Variants in SLC39A1 observed in about 807,000 individuals in gnomAD.
The protein encoded by SLC39A1 is solute carrier family 39 member 1.
A neutral mutation model predicts 21.4 loss-of-function variants in SLC39A1; 17 were observed. That is an observed-to-expected ratio of 0.79 (90% CI 0.54 to 1.19). The LOEUF is 1.19. SLC39A1 is among the 50% of genes most tolerant of loss of function. The pLI is 0.00. For missense variants in SLC39A1, 343 were observed against 399.8 expected, an observed-to-expected ratio of 0.86 and a Z score of 1.21; for synonymous variants, 183 against 185.9, an observed-to-expected ratio of 0.98 and a Z score of 0.13.
Position 153,962,677 on chromosome 1 carries a change from G to T in SLC39A1, c.39C>A (p.Arg13=), listed in dbSNP as rs1203079032. The change falls in exon 2 of 4, where the codon CGC becomes CGA. Residue 13 remains arginine (R), a synonymous_variant. Transcript: ENST00000356205. ...PWGEPELLVW[R]PEAVASEPPV... The stretch of plus-strand genomic sequence containing the variant: ...GAGGCTCTGAAGCTACCGCCTCGGG[G>T]CGCCACACCAGGAGCTCTGGCTCTC... The T allele has an allele frequency of 1.2e-6, 2 of 1,609,456 alleles. No individual in the cohort carries two copies. Among genetic ancestry groups the T allele is most frequent in the Admixed American group, 3.4e-5 (2 of 59,370 alleles).
rs766827640 is a variant in SLC39A1, at chr1:153,962,261, G to T, written c.277C>A (p.Leu93Met). Reference sequence around the variant, plus strand: ...GCCAGGGCCTCATCTATGGCAGCCAGGTAGTCAGGCAGCAGGTCCAGGAGA... The same window carrying T: ...GCCAGGGCCTCATCTATGGCAGCCATGTAGTCAGGCAGCAGGTCCAGGAGA... ...TCLLDLLPDYLAAIDEALAAL... is the reference protein window; with the variant it reads ...TCLLDLLPDYMAAIDEALAAL... The change falls in exon 3 of 4, where the codon CTG becomes ATG. Residue 93 changes from leucine to methionine, a missense_variant. Leu to Met is a conservative substitution (Grantham distance 15). Transcript: ENST00000356205. The T allele has an allele frequency of 1.2e-6, 2 of 1,614,070 alleles. No individual in the cohort carries two copies. Among genetic ancestry groups the T allele is most frequent in the Admixed American group, 1.7e-5 (1 of 60,004 alleles).
chr1:153,960,610 C>T lies in SLC39A1; in HGVS notation c.463G>A (p.Gly155Arg). The T allele has an allele frequency of 1.2e-6, 2 of 1,614,220 alleles. No individual in the cohort carries two copies. Among genetic ancestry groups the T allele is most frequent in the South Asian group, 1.1e-5 (1 of 91,088 alleles). Reference protein sequence around the residue: ...TRALLGTVNGGPQHWHDGPGV... With the variant: ...TRALLGTVNGRPQHWHDGPGV... ...GGCCCATCATGCCAATGCTGCGGCCCACCATTCACTGTTCCCAGCAGAGCC... is the reference window on the plus strand; with the variant it reads ...GGCCCATCATGCCAATGCTGCGGCCTACCATTCACTGTTCCCAGCAGAGCC... Residue 155 changes from glycine (G) to arginine (R), a missense_variant, in exon 4 of 4, where the codon GGG (glycine) becomes AGG (arginine). Gly to Arg is a moderately radical substitution (Grantham distance 125, BLOSUM62 -2). Coordinates refer to ENST00000356205, the MANE Select transcript of SLC39A1 (RefSeq NM_001271958.2).
chr1:153,966,315 C>A (rs1039978610), upstream of SLC39A1, among the ~76,000 whole-genome samples: 3 of 152,218 alleles, frequency 2.0e-5, no homozygotes, highest in Admixed American at 1.3e-4. Context: ...AATCTTGGTT[C>A]AGCTACTTAC....
In SLC39A1 at chr1:153,962,283, G is replaced by C. The variant is rs1289107374; in HGVS notation, c.255C>G (p.Leu85=). Reference sequence around the variant, plus strand: ...CCAGGTAGTCAGGCAGCAGGTCCAGGAGACAAGTGGCCAAAAAGACGCCCC... The same window carrying C: ...CCAGGTAGTCAGGCAGCAGGTCCAGCAGACAAGTGGCCAAAAAGACGCCCC... ...FAGGVFLATC[L]LDLLPDYLAA... is the part of the protein sequence containing the mutation. The change falls in exon 3 of 4, where the codon CTC becomes CTG. Residue 85 remains leucine, a synonymous_variant. Transcript: ENST00000356205. 1 of 1,614,104 alleles carries C rather than the reference G, an allele frequency of 6.2e-7. No individual in the cohort carries two copies. The highest frequency in any genetic ancestry group is 8.5e-7 in the Non-Finnish European group (1 of 1,180,010).
rs757850369 is a variant in SLC39A1, at chr1:153,960,549, G to A, written c.524C>T (p.Pro175Leu). ...CAGTACACAGGCACGCAAGGCTGAGGGGGTTGCTGGGGCTCCACTCGCCTG... is the reference window on the plus strand; with the variant it reads ...CAGTACACAGGCACGCAAGGCTGAGAGGGTTGCTGGGGCTCCACTCGCCTG... ...VPQASGAPAT[P>L]SALRACVLVF... The change falls in exon 4 of 4, where the codon CCC (proline) becomes CTC (leucine). Residue 175 changes from proline (P) to leucine (L), a missense_variant. Coordinates refer to ENST00000356205, the MANE Select transcript of SLC39A1 (RefSeq NM_001271958.2). 2 of 1,614,074 alleles carry A rather than the reference G, an allele frequency of 1.2e-6. No homozygotes were observed. The highest frequency in any genetic ancestry group is 2.2e-5 in the South Asian group (2 of 91,088).
intron 1 of SLC39A1, 157 bp from the exon 2 acceptor site, chr1:153,962,904 T>C (rs1647568625): frequency 2.0e-6 from 1 of 504,784 alleles, no homozygotes; most frequent in African/African-American, 1.9e-5. Context: ...ACCAGGAACA[T>C]TCCTCTCTTC....
chr1:153,964,914 T>C (rs1281291110), upstream of SLC39A1: 1 of 152,042 alleles, frequency 6.6e-6, no homozygotes, highest in Non-Finnish European at 1.5e-5. Flanking sequence ...CGCTCCAGCC[T>C]GGGCAACAAC....
chr1:153,965,412 G>C (rs1426262588), upstream of SLC39A1, among the ~76,000 whole-genome samples: 1 of 152,080 alleles, frequency 6.6e-6, no homozygotes, highest in Non-Finnish European at 1.5e-5. Flanking sequence ...GGACGACACA[G>C]CGAGACTCCG....
intron 3 of SLC39A1, 97 bp downstream of exon 3, chr1:153,962,123 A>G: frequency 6.7e-7 from 1 of 1,488,470 alleles, no homozygotes; most frequent in Non-Finnish European, 9.0e-7. Flanking sequence ...TCTTCCACAC[A>G]GTCATGGAGT....
intron 3 of SLC39A1, 105 bp downstream of exon 3, chr1:153,962,115 T>C (rs1457724491): frequency 6.8e-7 from 1 of 1,477,182 alleles, no homozygotes; most frequent in Non-Finnish European, 9.1e-7. Context: ...GCCAAAAGTC[T>C]TCCACACAGT....
chr1:153,967,256 G>A (rs1242895863), upstream of SLC39A1: 1 of 152,224 alleles, frequency 6.6e-6, no homozygotes, highest in Non-Finnish European at 1.5e-5. Context: ...GCTTGCGGAC[G>A]GGGAAACCCG....
Position 153,960,334 on chromosome 1 carries a change from AG to A in SLC39A1, c.738del (p.Ser247HisfsTer3), listed in dbSNP as rs781530273. The A allele has an allele frequency of 6.2e-7, 1 of 1,614,056 alleles. No individual in the cohort carries two copies. The highest frequency in any genetic ancestry group is 8.5e-7 in the Non-Finnish European group (1 of 1,180,044). ...CCGATGCCTAGAGGTGTCATGCATG[AG>A]AAGAGGATCCCACAGCCAGCCACCA... ...AQVVAGCGIL[F>X]SCMTPLGIGL... On this transcript the variant is annotated frameshift_variant, in exon 4 of 4. Coordinates refer to ENST00000356205, the MANE Select transcript of SLC39A1 (RefSeq NM_001271958.2). LOFTEE classifies it high-confidence loss of function.
Position 153,962,232 on chromosome 1 carries a change from G to T in SLC39A1, c.306C>A (p.Ala102=). 6.2e-7 allele frequency: 1 copy of T among 1,614,050 alleles called. No homozygotes were observed. Among genetic ancestry groups the T allele is most frequent in the Non-Finnish European group, 8.5e-7 (1 of 1,179,982 alleles). Residue 102 remains alanine (A), a synonymous_variant, in exon 3 of 4, where the codon GCC becomes GCA. Coordinates refer to ENST00000356205, the MANE Select transcript of SLC39A1 (RefSeq NM_001271958.2). ...GGCCAGTGCTCACCGTCACGTGCAA[G>T]GCTGCCAGGGCCTCATCTATGGCAG... ...YLAAIDEALA[A]LHVTLQFPLQ...
At chr1:153,962,442 CCCT>C (rs1367907360) in intron 2 of SLC39A1, 84 bp downstream of exon 2, 3 of 1,575,706 alleles carry the variant, frequency 1.9e-6, no homozygotes, top group Admixed American at 3.5e-5. Flanking sequence ...CCTTGCCTTT[CCCT>C]CCTCCTTTGG....
intron 3 of SLC39A1, among the ~76,000 whole-genome samples, chr1:153,961,429 C>T (rs1557877165): frequency 6.6e-6 from 1 of 152,176 alleles, no homozygotes; most frequent in African/African-American, 2.4e-5. Flanking sequence ...TCCCTCCATC[C>T]CCCTCCCCAT....
intron 1 of SLC39A1, 62 bp downstream of exon 1, chr1:153,963,433 C>T (rs1420591841): frequency 1.3e-5 from 2 of 152,440 alleles, no homozygotes; most frequent in East Asian, 1.9e-4. Flanking sequence ...GACTCCTGTT[C>T]CCGGGCCCGG....
chr1:153,967,060 C>T (rs1474951200), upstream of SLC39A1: 1 of 152,196 alleles, frequency 6.6e-6, no homozygotes, highest in African/African-American at 2.4e-5. Context: ...TTTATGAAAA[C>T]GTTTTGTAAA....
chr1:153,960,227 G>T lies in SLC39A1; in HGVS notation c.846C>A (p.Thr282=). 6.2e-7 allele frequency: 1 copy of T among 1,614,218 alleles called. No homozygotes were observed. Among genetic ancestry groups the T allele is most frequent in the Non-Finnish European group, 8.5e-7 (1 of 1,180,052 alleles). The part of the protein sequence containing the change: ...QSVLEGMAAG[T]FLYITFLEIL... ...TTTCCAGAAAGGTGATATAGAGAAA[G>T]GTGCCAGCTGCCATGCCCTCTAGCA... is the stretch of plus-strand genomic sequence containing the variant. The change falls in exon 4 of 4, where the codon ACC becomes ACA. Residue 282 remains threonine (T), a synonymous_variant. Coordinates refer to ENST00000356205, the MANE Select transcript of SLC39A1 (RefSeq NM_001271958.2).
upstream of SLC39A1, among the ~76,000 whole-genome samples, chr1:153,965,726 A>G (rs1358738196): frequency 6.6e-6 from 1 of 151,854 alleles, no homozygotes; most frequent in Non-Finnish European, 1.5e-5. Flanking sequence ...AGCTGGGATT[A>G]CAGGCGCCCG....
Sources: gnomAD v4.1 joint callset for allele counts (sites outside exome capture counted in the v4.1 genomes callset) on GRCh38, gnomAD v4.1.1 for gene constraint, MANE v1.5 for transcripts, NCBI Gene and HGNC (gene_info 2026-07-23, HGNC 2026-07-21) for gene names.